Variants in FAM83F observed in about 807,000 individuals in gnomAD.
The protein encoded by FAM83F is protein FAM83F.
In FAM83F, 45 loss-of-function variants were observed where a neutral mutation model predicts 42.9. The observed-to-expected ratio is 1.05, with a 90% confidence interval of 0.83 to 1.35. The LOEUF is 1.35. FAM83F is among the 40% of genes most tolerant of loss of function. The probability of loss-of-function intolerance (pLI) is 0.00; values close to 1 mark genes in which losing one functional copy is unlikely to be tolerated. For missense variants in FAM83F, 617 were observed against 695.9 expected (o/e 0.89, Z 1.28); for synonymous variants, 306 against 298.3 (o/e 1.03, Z -0.27).
chr22:40,040,395 C>T lies in FAM83F; in HGVS notation c.*10830C>T, dbSNP rs1443883286. On this transcript the variant is annotated 3_prime_UTR_variant, in exon 5 of 5. Transcript: ENST00000333407. ...TGTGAAGATTAACAGCCATAATCCACGTAAAGCCCTCAGTACAGTGTATGA... is the reference window on the plus strand; with the variant it reads ...TGTGAAGATTAACAGCCATAATCCATGTAAAGCCCTCAGTACAGTGTATGA... 2 of 152,138 alleles carry T rather than the reference C, an allele frequency of 1.3e-5. No homozygotes were observed. The highest frequency in any genetic ancestry group is 1.5e-5 in the Non-Finnish European group (1 of 68,036). The allele number at this position is 152,138 out of a possible 1,614,324, so 9.4% of individuals were successfully genotyped here.
chr22:40,042,598 C>T lies in FAM83F; in HGVS notation c.*13033C>T, dbSNP rs1262306564. 1 of 152,206 alleles carries T rather than the reference C, an allele frequency of 6.6e-6. No individual in the cohort carries two copies. The highest frequency in any genetic ancestry group is 2.4e-5 in the African/African-American group (1 of 41,434). The allele number at this position is 152,206 out of a possible 1,614,324, so 9.4% of individuals were successfully genotyped here. A position where few individuals can be genotyped will look rare whatever the true frequency, so the allele number is the denominator to read the frequency against. On this transcript the variant is annotated 3_prime_UTR_variant, in exon 5 of 5. Coordinates refer to ENST00000333407, the MANE Select transcript of FAM83F (RefSeq NM_138435.4). Reference sequence around the variant, plus strand: ...TGCTTATCTGCTGGACACCCCTACTCGACTGAGGTCCTTGAAGGAAGAGAG... The same window carrying T: ...TGCTTATCTGCTGGACACCCCTACTTGACTGAGGTCCTTGAAGGAAGAGAG...
intron 1 of FAM83F, among the ~76,000 whole-genome samples, chr22:40,014,355 G>A (rs2067483530): frequency 6.6e-6 from 1 of 151,952 alleles, no homozygotes; most frequent in South Asian, 2.1e-4. Flanking sequence ...ATAATCACAA[G>A]TAGGGATCTC....
rs988350191 is a variant in FAM83F, at chr22:40,042,236, A to G, written c.*12671A>G. On this transcript the variant is annotated 3_prime_UTR_variant, in exon 5 of 5. Transcript: ENST00000333407. ...TTTTCCTATTCTCAAGTGGGCAAAT[A>G]GGAGAAGGTTTCAGGCATTTGTTTT... is the stretch of plus-strand genomic sequence containing the variant. 3 of 152,226 alleles carry G rather than the reference A, an allele frequency of 2.0e-5. No homozygotes were observed. The highest frequency in any genetic ancestry group is 4.4e-5 in the Non-Finnish European group (3 of 68,030). The allele number at this position is 152,226 out of a possible 1,614,324, so 9.4% of individuals were successfully genotyped here.
chr22:40,013,711 A>G (rs1393607785), intron 1 of FAM83F, among the ~76,000 whole-genome samples: 1 of 152,144 alleles, frequency 6.6e-6, no homozygotes, highest in African/African-American at 2.4e-5. Context: ...ATTGCATTGA[A>G]TTTTATTAAT....
At chr22:40,020,080 C>A (rs2067511599) in intron 3 of FAM83F, 72 bp downstream of exon 3, 1 of 1,538,842 alleles carries the variant, frequency 6.5e-7, no homozygotes, top group Non-Finnish European at 8.7e-7. Flanking sequence ...AGATGCCAGA[C>A]CGGAGCCTCC....
rs1388502106 is a variant in FAM83F at position 40,037,071 on chromosome 22, C to G, written c.*7506C>G. 6.6e-6 allele frequency: 1 copy of G among 152,184 alleles called. No individual in the cohort carries two copies. The highest frequency in any genetic ancestry group is 1.5e-5 in the Non-Finnish European group (1 of 68,040). 9.4% of individuals were successfully genotyped at this position (152,184 alleles called of 1,614,324 possible). On this transcript the variant is annotated 3_prime_UTR_variant, in exon 5 of 5. Transcript: ENST00000333407. ...TCATGTATCACAAAGTAGTAATATT[C>G]TTTTAATATGCAAAAACCGGCCAGG...
rs551543842 is a variant in FAM83F, at chr22:40,021,650, G to A, written c.1140G>A (p.Thr380=). The A allele has an allele frequency of 8.7e-6, 14 of 1,604,996 alleles. No homozygotes were observed. Among genetic ancestry groups the A allele is most frequent in the Middle Eastern group, 1.7e-4 (1 of 6,060 alleles). Residue 380 remains threonine, a synonymous_variant, in exon 4 of 5, where the codon ACG becomes ACA. Transcript: ENST00000333407. This position sits in a 1 kb window ranked among gnomAD's most constrained non-coding sequence, Gnocchi z 8.7. ...AGAGCTTCCTGAAAGACCTGGTTAC[G>A]GTGGAGCAGGTGCTGCCCCCCGTGG... ...RLESFLKDLV[T]VEQVLPPVEP... is the part of the protein sequence containing the mutation.
Position 40,021,515 on chromosome 22 carries a change from C to A in FAM83F, c.1005C>A (p.His335Gln). The A allele has an allele frequency of 6.3e-7, 1 of 1,577,004 alleles. No homozygotes were observed. Among genetic ancestry groups the A allele is most frequent in the Non-Finnish European group, 8.7e-7 (1 of 1,155,872 alleles). The change falls in exon 4 of 5, where the codon CAC becomes CAA. Residue 335 changes from histidine to glutamine, a missense_variant. His to Gln is a conservative substitution (Grantham distance 24, BLOSUM62 0). Transcript: ENST00000333407. This position sits in a 1 kb window ranked among gnomAD's most constrained non-coding sequence, Gnocchi z 8.7. The stretch of plus-strand genomic sequence containing the variant: ...ACGCCTTGGTGTCAGGCTGCCGCCA[C>A]CCGCCTGGGGAGATGATGCGCTGGG... ...PKYALVSGCR[H>Q]PPGEMMRWAA... is the part of the protein sequence containing the mutation.
In FAM83F at chr22:40,021,957, A is replaced by G; in HGVS notation, c.1447A>G (p.Ile483Val). ...KRPNENSSAD[I>V]SGKTSPSSAK... is the part of the protein sequence containing the mutation. ...GCCCAACGAGAATTCCAGTGCTGAC[A>G]TCTCAGGTGAGCCCTCTTCCCTCTG... Residue 483 changes from isoleucine (I) to valine (V), a missense_variant, in exon 4 of 5, where the codon ATC becomes GTC. Physicochemically the swap from Ile to Val is conservative, Grantham distance 29 (BLOSUM62 3). Transcript: ENST00000333407. The surrounding 1 kb of genome is among the most constrained non-coding windows in gnomAD (Gnocchi z 8.7). 1.9e-6 allele frequency: 3 copies of G among 1,551,406 alleles called. No homozygotes were observed. The highest frequency in any genetic ancestry group is 2.6e-6 in the Non-Finnish European group (3 of 1,148,500).
chr22:40,002,146 G>T (rs1187582981), intron 1 of FAM83F, among the ~76,000 whole-genome samples: 8 of 152,224 alleles, frequency 5.3e-5, no homozygotes. Flanking sequence ...AGGCTTCCTT[G>T]TTCCTAAAGC....
intron 1 of FAM83F, among the ~76,000 whole-genome samples, chr22:40,017,411 T>C (rs1221198352): frequency 6.6e-6 from 1 of 152,040 alleles, no homozygotes; most frequent in African/African-American, 2.4e-5. Flanking sequence ...GTTTGTATTT[T>C]TAGTAGAGAC....
At position 39,995,548 on chromosome 22, in the gene FAM83F, G is replaced by T. The variant is rs1469166971; in HGVS notation, c.489+17G>T. The stretch of plus-strand genomic sequence containing the variant: ...GCCCAGAAGGTAGGCCCCCGCCTTC[G>T]CCCCCACACCGCTGGGACCTCGGCC... On this transcript the variant is annotated intron_variant, in intron 1 of 4. Coordinates refer to ENST00000333407, the MANE Select transcript of FAM83F (RefSeq NM_138435.4). The surrounding 1 kb of genome is among the most constrained non-coding windows in gnomAD (Gnocchi z 4.6). 4.6e-6 allele frequency: 7 copies of T among 1,537,172 alleles called. No individual in the cohort carries two copies. Among genetic ancestry groups the T allele is most frequent in the Non-Finnish European group, 5.3e-6 (6 of 1,136,866 alleles).
At chr22:40,029,448 G>A (rs192809614) in intron 4 of FAM83F, 68 bp from the exon 5 acceptor site, 262 of 1,552,682 alleles carry the variant, frequency 1.7e-4, no homozygotes, top group Non-Finnish European at 2.2e-4. Flanking sequence ...CACAGGGTAG[G>A]AACTGAAGCT....
intron 1 of FAM83F, 108 bp from the exon 2 acceptor site, chr22:40,019,060 G>T (rs2067505531): frequency 1.5e-6 from 2 of 1,342,444 alleles, no homozygotes; most frequent in South Asian, 1.3e-5. Context: ...TGGAGTTTTT[G>T]ACTCTTGGCC....
At chr22:40,008,218 G>C (rs2067446100) in intron 1 of FAM83F, among the ~76,000 whole-genome samples, 1 of 152,236 alleles carries the variant, frequency 6.6e-6, no homozygotes, top group Admixed American at 6.5e-5. Flanking sequence ...TTGAGCAGAG[G>C]AACGACATCC....
chr22:40,009,062 C>T (rs756845581), intron 1 of FAM83F, among the ~76,000 whole-genome samples: 4 of 152,152 alleles, frequency 2.6e-5, no homozygotes, highest in East Asian at 1.9e-4. Flanking sequence ...TGCCTTATAA[C>T]GATCCCTCAT....
At chr22:40,017,984 A>G (rs2067500742) in intron 1 of FAM83F, among the ~76,000 whole-genome samples, 1 of 152,242 alleles carries the variant, frequency 6.6e-6, no homozygotes, top group Non-Finnish European at 1.5e-5. Context: ...GTTTGGGCCA[A>G]TAAGAAAGCC....
intron 1 of FAM83F, among the ~76,000 whole-genome samples, chr22:40,010,833 A>T (rs2067459068): frequency 6.6e-6 from 1 of 152,202 alleles, no homozygotes; most frequent in Non-Finnish European, 1.5e-5. Context: ...TGCTGGTGGA[A>T]TGAAGCCAGA....
Position 40,030,025 on chromosome 22 carries a change from G to A in FAM83F, c.*460G>A, listed in dbSNP as rs1208712581. 2 of 163,408 alleles carry A rather than the reference G, an allele frequency of 1.2e-5. No individual in the cohort carries two copies. The highest frequency in any genetic ancestry group is 2.4e-5 in the African/African-American group (1 of 41,740). The allele number at this position is 163,408 out of a possible 1,614,324, so 10.1% of individuals were successfully genotyped here. On this transcript the variant is annotated 3_prime_UTR_variant, in exon 5 of 5. Transcript: ENST00000333407. ...TGGTGGAATAAAAGGGAAGAGGGCA[G>A]GGCCCTGAGCCTGGGATCCCAAGTT...
Sources: gnomAD v4.1 joint callset for allele counts (sites outside exome capture counted in the v4.1 genomes callset) on GRCh38, gnomAD v4.1.1 for gene constraint, Gnocchi (gnomAD v3.1) non-coding constraint, MANE v1.5 for transcripts, NCBI Gene and HGNC (gene_info 2026-07-23, HGNC 2026-07-21) for gene names.